Variants in NCOA7 observed in about 807,000 individuals in gnomAD.
The protein encoded by NCOA7 is 140 kDa estrogen receptor-associated protein.
In NCOA7, 45 loss-of-function variants were observed where a neutral mutation model predicts 104.3. The ratio of observed to expected loss-of-function variants is 0.43; its 90% CI spans 0.34 to 0.55. The LOEUF (loss-of-function observed/expected upper bound fraction) is 0.55. NCOA7 is among the 20% of genes least tolerant of loss of function. The probability of loss-of-function intolerance (pLI) is 0.02; values close to 1 mark genes in which losing one functional copy is unlikely to be tolerated. For missense variants in NCOA7, 1,041 were observed against 1,119.7 expected (o/e 0.93, Z 1.00); for synonymous variants, 398 against 402.3 (o/e 0.99, Z 0.13).
chr6:125,807,800 C>T (rs755797077), intron 1 of NCOA7, among the ~76,000 whole-genome samples: 8 of 152,150 alleles, frequency 5.3e-5, no homozygotes, highest in Non-Finnish European at 1.2e-4. Context: ...TTAATCTTCT[C>T]CCTCCAGGTT....
chr6:125,803,828 C>T (rs1421897611), intron 1 of NCOA7, among the ~76,000 whole-genome samples: 1 of 152,160 alleles, frequency 6.6e-6, no homozygotes, highest in East Asian at 1.9e-4. Flanking sequence ...TCTTTTAACG[C>T]CTTTCATCTA....
intron 2 of NCOA7, among the ~76,000 whole-genome samples, chr6:125,851,901 T>C (rs1347447355): frequency 1.3e-5 from 2 of 152,144 alleles, no homozygotes; most frequent in Non-Finnish European, 1.5e-5. Flanking sequence ...TTTTTTTTTT[T>C]CGAGAAATAT....
Position 125,888,981 on chromosome 6 carries a change from A to G in NCOA7, c.927A>G (p.Glu309=), listed in dbSNP as rs767661988. The G allele has an allele frequency of 1.2e-6, 2 of 1,609,662 alleles. No individual in the cohort carries two copies. Among genetic ancestry groups the G allele is most frequent in the Non-Finnish European group, 1.7e-6 (2 of 1,177,884 alleles). The part of the protein sequence containing the change: ...QDLCPLYRPG[E]WEDLASEKDI... ...TTTGTCCTCTGTACAGGCCTGGAGAATGGGAAGACCTGGCTTCAGAAAAGG... is the reference window on the plus strand; with the variant it reads ...TTTGTCCTCTGTACAGGCCTGGAGAGTGGGAAGACCTGGCTTCAGAAAAGG... The change falls in exon 9 of 16, where the codon GAA becomes GAG. Residue 309 remains glutamate, a synonymous_variant. Coordinates refer to ENST00000392477, the MANE Select transcript of NCOA7 (RefSeq NM_181782.5).
intron 1 of NCOA7, among the ~76,000 whole-genome samples, chr6:125,803,386 C>T (rs1437461196): frequency 1.3e-5 from 2 of 152,080 alleles, no homozygotes; most frequent in African/African-American, 4.8e-5. Context: ...ACATTGGGTC[C>T]TTTTTATAGT....
intron 13 of NCOA7, among the ~76,000 whole-genome samples, chr6:125,926,389 A>G (rs1222257692): frequency 6.6e-6 from 1 of 152,032 alleles, no homozygotes; most frequent in Non-Finnish European, 1.5e-5. Flanking sequence ...AGGGTGTGAA[A>G]GTAAAGATAA....
chr6:125,847,089 G>A (rs900389083), intron 2 of NCOA7, among the ~76,000 whole-genome samples: 2 of 152,306 alleles, frequency 1.3e-5, no homozygotes, highest in Non-Finnish European at 2.9e-5. Flanking sequence ...ATATGTAATT[G>A]TACATGGTAT....
rs1780406816 is a variant in NCOA7 at position 125,844,246 on chromosome 6, G to A, written c.51-10774G>A. On this transcript the variant is annotated intron_variant, in intron 2 of 15. Transcript: ENST00000392477. ...TGTGTACCCATCTGAAGGATATATT[G>A]CTAGTTATTGAACACAAAGCCAAAG... Among the ~76,000 whole-genome samples, 5 of 152,192 alleles carry A rather than the reference G, an allele frequency of 3.3e-5. No individual in the cohort carries two copies. The South Asian group carries it at 1.0e-3, about 31-fold the overall frequency.
intron 4 of NCOA7, among the ~76,000 whole-genome samples, chr6:125,877,835 A>T (rs946274748): frequency 6.6e-6 from 1 of 152,244 alleles, no homozygotes; most frequent in Non-Finnish European, 1.5e-5. Flanking sequence ...CAGCTTTGCC[A>T]TACAAGCCAG....
At chr6:125,878,893 G>A (rs776579114) in intron 5 of NCOA7, among the ~76,000 whole-genome samples, 5 of 152,200 alleles carry the variant, frequency 3.3e-5, no homozygotes, top group Non-Finnish European at 7.3e-5. Context: ...TGTTGAGGTA[G>A]CACATGTTCT....
At chr6:125,826,687 T>C (rs1011126994) in intron 2 of NCOA7, among the ~76,000 whole-genome samples, 2 of 152,224 alleles carry the variant, frequency 1.3e-5, no homozygotes, top group African/African-American at 4.8e-5. Context: ...AAAACAAATA[T>C]GGTCCTTGCC....
chr6:125,817,512 A>C (rs913241549), intron 2 of NCOA7, among the ~76,000 whole-genome samples: 1 of 152,148 alleles, frequency 6.6e-6, no homozygotes, highest in African/African-American at 2.4e-5. Context: ...TATTTCCTTA[A>C]TGGTTAGTGA....
intron 10 of NCOA7, among the ~76,000 whole-genome samples, chr6:125,912,499 G>A (rs775496033): frequency 3.3e-5 from 5 of 152,222 alleles, no homozygotes; most frequent in East Asian, 1.9e-4. Context: ...GGACACTAGG[G>A]TGTCATCACT....
intron 2 of NCOA7, among the ~76,000 whole-genome samples, chr6:125,848,158 T>C (rs956649754): frequency 2.6e-5 from 4 of 152,180 alleles, no homozygotes; most frequent in Non-Finnish European, 5.9e-5. Context: ...CAACCAATGC[T>C]GGAGAGGATG....
chr6:125,890,513 C>T (rs3757213), intron 9 of NCOA7, 129 bp from the exon 10 acceptor site: 176,402 of 881,654 alleles, frequency 0.2, 19,255 homozygotes, highest in African/African-American at 0.39. Context: ...AGTCCTGATA[C>T]GATGTTGTAG....
intron 2 of NCOA7, among the ~76,000 whole-genome samples, chr6:125,841,703 A>G (rs1176100442): frequency 6.6e-6 from 1 of 152,102 alleles, no homozygotes; most frequent in Non-Finnish European, 1.5e-5. Context: ...TAGAAGGAAA[A>G]AAATTTAGAG....
At chr6:125,813,607 C>T (rs1307277259) in intron 1 of NCOA7, among the ~76,000 whole-genome samples, 1 of 151,908 alleles carries the variant, frequency 6.6e-6, no homozygotes, top group African/African-American at 2.4e-5. Context: ...CCTGCCACCA[C>T]GCCCGGCTAA....
chr6:125,841,978 C>T (rs1467894503), intron 2 of NCOA7, among the ~76,000 whole-genome samples: 2 of 152,080 alleles, frequency 1.3e-5, no homozygotes, highest in African/African-American at 4.8e-5. Flanking sequence ...AGTATATTAT[C>T]ATAAAAGGGT....
Position 125,855,227 on chromosome 6 carries a change from A to G in NCOA7, c.258A>G (p.Arg86=), listed in dbSNP as rs369455623. 40 of 1,608,610 alleles carry G rather than the reference A, an allele frequency of 2.5e-5. No homozygotes were observed. The highest frequency in any genetic ancestry group is 3.2e-5 in the Non-Finnish European group (38 of 1,177,198). The change falls in exon 3 of 16, where the codon AGA becomes AGG. Residue 86 remains arginine (R), a synonymous_variant. Transcript: ENST00000392477. ...LKEIRRTELK[R]YYSIDDNQNK... is the part of the protein sequence containing the mutation. The stretch of plus-strand genomic sequence containing the variant: ...AGATCAGGCGTACAGAACTAAAGAG[A>G]TATTATAGTATTGGTGAGTATTCAT...
intron 4 of NCOA7, 123 bp downstream of exon 4, chr6:125,875,091 C>A: frequency 1.5e-6 from 1 of 663,490 alleles, no homozygotes; most frequent in Admixed American, 2.7e-5. Flanking sequence ...AATCAAGCTT[C>A]TTAAGACCAG....
Sources: gnomAD v4.1 joint callset for allele counts (sites outside exome capture counted in the v4.1 genomes callset) on GRCh38, gnomAD v4.1.1 for gene constraint, MANE v1.5 for transcripts, NCBI Gene and HGNC (gene_info 2026-07-23, HGNC 2026-07-21) for gene names.